INVS: variants seen among roughly 807,000 people sequenced by gnomAD.
The protein encoded by INVS is inversion of embryo turning homolog.
Under a neutral mutation model 108.8 loss-of-function variants are expected in INVS, and 86 were observed. The ratio of observed to expected loss-of-function variants is 0.79; its 90% CI spans 0.66 to 0.95. The LOEUF (loss-of-function observed/expected upper bound fraction) is 0.95. Ranked by LOEUF, INVS falls within the 40% of genes least tolerant of loss-of-function variation. The pLI is 0.00. For synonymous variants in INVS, 455 were observed against 473.5 expected, an observed-to-expected ratio of 0.96 and a Z score of 0.51; for missense variants, 1,169 against 1,297.4, an observed-to-expected ratio of 0.90 and a Z score of 1.52.
intron 3 of INVS, among the ~76,000 whole-genome samples, chr9:100,159,655 T>G (rs569795828): frequency 2.4e-4 from 37 of 152,322 alleles, no homozygotes; most frequent in African/African-American, 8.4e-4. Context: ...ACCTCTCTTC[T>G]ACTAATTTAA....
chr9:100,267,144 G>C (rs1273673879), intron 11 of INVS, among the ~76,000 whole-genome samples: 3 of 151,440 alleles, frequency 2.0e-5, no homozygotes, highest in African/African-American at 7.3e-5. Context: ...TATTTTTAAG[G>C]AAACAATGAA....
intron 8 of INVS, among the ~76,000 whole-genome samples, chr9:100,247,696 G>A (rs896313195): frequency 3.3e-5 from 5 of 151,942 alleles, no homozygotes; most frequent in South Asian, 2.1e-4. Context: ...TCCCTATACC[G>A]AGACAACCAC....
chr9:100,222,483 A>C (rs1404547654), intron 3 of INVS, among the ~76,000 whole-genome samples: 1 of 152,238 alleles, frequency 6.6e-6, no homozygotes, highest in Non-Finnish European at 1.5e-5. Context: ...TATCTGCTTC[A>C]TAACAAGGCT....
At chr9:100,268,289 T>G (rs1012312599) in intron 11 of INVS, among the ~76,000 whole-genome samples, 2 of 152,190 alleles carry the variant, frequency 1.3e-5, no homozygotes, top group African/African-American at 4.8e-5. Flanking sequence ...AAGGATTCAT[T>G]TTCTTAATTA....
chr9:100,119,779 C>T (rs1827667466), intron 2 of INVS, among the ~76,000 whole-genome samples: 1 of 152,162 alleles, frequency 6.6e-6, no homozygotes, highest in African/African-American at 2.4e-5. Flanking sequence ...CAGGATGTCT[C>T]AATCTCCTGA....
At chr9:100,129,521 T>A (rs536646679) in intron 3 of INVS, among the ~76,000 whole-genome samples, 136 of 151,996 alleles carry the variant, frequency 8.9e-4, no homozygotes, top group African/African-American at 2.8e-3. Context: ...CATAAAAAAA[T>A]TTTTTAAAAA....
intron 3 of INVS, among the ~76,000 whole-genome samples, chr9:100,210,014 T>C (rs899173272): frequency 1.3e-5 from 2 of 152,152 alleles, no homozygotes; most frequent in Non-Finnish European, 2.9e-5. Flanking sequence ...TCCTTCCTAC[T>C]TTAAGCTGGC....
chr9:100,133,338 A>ATGTG lies in INVS; in HGVS notation c.273+6811_273+6814dup, dbSNP rs140513551. Among the ~76,000 whole-genome samples, 1,036 of 146,572 alleles carry ATGTG rather than the reference A, an allele frequency of 7.1e-3. 11 individuals are homozygous for ATGTG. The highest frequency in any genetic ancestry group is 0.021 in the African/African-American group (857 of 40,270). On this transcript the variant is annotated intron_variant, in intron 3 of 16. Coordinates refer to ENST00000262457, the MANE Select transcript of INVS (RefSeq NM_014425.5). ...ATGCATATGTTTCTACCTTTACTTT[A>ATGTG]TGTGTGTGTGTGTGTGTGTGTGTGT...
chr9:100,173,727 T>G (rs1829621356), intron 3 of INVS, among the ~76,000 whole-genome samples: 1 of 151,920 alleles, frequency 6.6e-6, no homozygotes, highest in East Asian at 1.9e-4. Flanking sequence ...AGACTTCATC[T>G]CAAAAAAGAA....
intron 10 of INVS, among the ~76,000 whole-genome samples, chr9:100,255,132 C>T (rs1284745017): frequency 1.3e-5 from 2 of 152,180 alleles, no homozygotes; most frequent in Admixed American, 6.5e-5. Flanking sequence ...AGGTCCTTCA[C>T]ATCCCTTGTA....
chr9:100,167,384 G>A (rs921084445), intron 3 of INVS, among the ~76,000 whole-genome samples: 3 of 152,062 alleles, frequency 2.0e-5, no homozygotes, highest in Admixed American at 6.6e-5. Context: ...CCTCAGTGCT[G>A]TTCCTCTAGT....
chr9:100,272,555 G>C (rs1832989368), intron 11 of INVS, among the ~76,000 whole-genome samples: 1 of 152,128 alleles, frequency 6.6e-6, no homozygotes. Flanking sequence ...GGAATTATTT[G>C]GCACATGGGA....
At chr9:100,264,786 A>C in intron 10 of INVS, 36 bp from the exon 11 acceptor site, 1 of 1,341,542 alleles carries the variant, frequency 7.5e-7, no homozygotes, top group Non-Finnish European at 1.1e-6. Context: ...AAAAATACTT[A>C]CTCCAGATGT....
chr9:100,121,251 A>C (rs1246738380), intron 2 of INVS, among the ~76,000 whole-genome samples: 1 of 152,198 alleles, frequency 6.6e-6, no homozygotes, highest in Non-Finnish European at 1.5e-5. Flanking sequence ...TAAATGATTA[A>C]GAGACTTAAT....
intron 7 of INVS, among the ~76,000 whole-genome samples, chr9:100,244,466 C>T (rs1317335759): frequency 2.6e-5 from 4 of 151,862 alleles, no homozygotes; most frequent in African/African-American, 7.3e-5. Context: ...AATTTAGACT[C>T]CAAATTTAAT....
At chr9:100,155,553 G>C (rs990413624) in intron 3 of INVS, among the ~76,000 whole-genome samples, 3 of 152,064 alleles carry the variant, frequency 2.0e-5, no homozygotes, top group Non-Finnish European at 4.4e-5. Flanking sequence ...GGCCAGGCTG[G>C]TCTCAAACTC....
intron 3 of INVS, among the ~76,000 whole-genome samples, chr9:100,127,818 A>G (rs1355616440): frequency 6.6e-6 from 1 of 152,062 alleles, no homozygotes; most frequent in African/African-American, 2.4e-5. Context: ...CTCATTTTCA[A>G]TCTCAGTTTT....
At chr9:100,214,195 AGAG>A (rs1830919030) in intron 3 of INVS, among the ~76,000 whole-genome samples, 1 of 152,190 alleles carries the variant, frequency 6.6e-6, no homozygotes, top group Non-Finnish European at 1.5e-5. Flanking sequence ...AATAAGCCCC[AGAG>A]GAGAAAGTAG....
At position 100,252,441 on chromosome 9, in the gene INVS, G is replaced by C; in HGVS notation, c.1234+3G>C. ...TGTGATTCAGACACTCATTAAAGGT[G>C]GGCTAATAAGAGTACTCCTAATAAG... is the stretch of plus-strand genomic sequence containing the variant. On this transcript the variant is annotated splice_donor_region_variant and intron_variant, in intron 9 of 16. Transcript: ENST00000262457. The C allele has an allele frequency of 6.2e-7, 1 of 1,613,438 alleles. No individual in the cohort carries two copies. Among genetic ancestry groups the C allele is most frequent in the Non-Finnish European group, 8.5e-7 (1 of 1,179,444 alleles).
Sources: gnomAD v4.1 joint callset for allele counts (sites outside exome capture counted in the v4.1 genomes callset) on GRCh38, gnomAD v4.1.1 for gene constraint, MANE v1.5 for transcripts, NCBI Gene and HGNC (gene_info 2026-07-23, HGNC 2026-07-21) for gene names.